The following CMTR1 variants were observed in gnomAD, a reference collection of about 807,000 sequenced individuals.
The protein encoded by CMTR1 is cap methyltransferase 1.
CMTR1 carries 39 observed loss-of-function variants against 107.0 expected under a neutral mutation model. The ratio of observed to expected loss-of-function variants is 0.36; its 90% CI spans 0.28 to 0.48. The LOEUF (loss-of-function observed/expected upper bound fraction) is 0.48, where lower values mean the gene tolerates loss of function less well. CMTR1 is among the 20% of genes least tolerant of loss of function. The probability of loss-of-function intolerance (pLI) is 0.99; values close to 1 mark genes in which losing one functional copy is unlikely to be tolerated. For synonymous variants in CMTR1, 366 were observed against 379.5 expected (o/e 0.96, Z 0.41); for missense variants, 672 against 1,064.9 (o/e 0.63, Z 5.14).
chr6:37,454,533 G>A (rs1562121296), intron 8 of CMTR1, among the ~76,000 whole-genome samples: 1 of 152,210 alleles, frequency 6.6e-6, no homozygotes, highest in Admixed American at 6.5e-5. Flanking sequence ...CAAGCTGATG[G>A]GAAGTCACAG....
upstream of CMTR1, among the ~76,000 whole-genome samples, chr6:37,428,366 C>T (rs546673622): frequency 6.6e-6 from 1 of 152,274 alleles, no homozygotes; most frequent in East Asian, 1.9e-4. Context: ...TTTGCAGAGC[C>T]TTTTGTGATA....
intron 9 of CMTR1, 102 bp from the exon 10 acceptor site, chr6:37,459,464 T>G: frequency 5.4e-6 from 5 of 931,486 alleles, no homozygotes; most frequent in Non-Finnish European, 8.9e-6. Flanking sequence ...CCCTAGTTCT[T>G]GAGACACCTG....
In CMTR1 at chr6:37,480,910, A is replaced by C; in HGVS notation, c.*765A>C. The C allele has an allele frequency of 8.2e-7, 1 of 1,214,456 alleles. No homozygotes were observed. 75.2% of individuals were successfully genotyped at this position (1,214,456 alleles called of 1,614,324 possible). On this transcript the variant is annotated 3_prime_UTR_variant, in exon 24 of 24. Transcript: ENST00000373451. ...TGGTCCAAACATTGGGCAGCGCTAG[A>C]TGGCAGGAAGCAGCCTTGAAGACCC...
Position 37,444,087 on chromosome 6 carries a change from CT to C in CMTR1, c.223del (p.Ser75LeufsTer56). On this transcript the variant is annotated frameshift_variant, in exon 3 of 24. Coordinates refer to ENST00000373451, the MANE Select transcript of CMTR1 (RefSeq NM_015050.3). LOFTEE classifies it high-confidence loss of function. ...CTTTTGACGATGCATTCAAAGCAGA[CT>C]CTCTTGTGGAAGGAACTTCTTCTCG... ...DSFDDAFKAD[S>X]LVEGTSSRYS... 6.2e-7 allele frequency: 1 copy of C among 1,614,164 alleles called. No individual in the cohort carries two copies. The highest frequency in any genetic ancestry group is 8.5e-7 in the Non-Finnish European group (1 of 1,180,020).
chr6:37,480,355 C>T lies in CMTR1; in HGVS notation c.*210C>T, dbSNP rs1181031264. 1 of 1,360,974 alleles carries T rather than the reference C, an allele frequency of 7.3e-7. No individual in the cohort carries two copies. Among genetic ancestry groups the T allele is most frequent in the African/African-American group, 1.5e-5 (1 of 65,236 alleles). The allele number at this position is 1,360,974 out of a possible 1,614,324, so 84.3% of individuals were successfully genotyped here. A position where few individuals can be genotyped will look rare whatever the true frequency, so the allele number is the denominator to read the frequency against. On this transcript the variant is annotated 3_prime_UTR_variant, in exon 24 of 24. Transcript: ENST00000373451. ...CTCATGTTCCTTCTGGGACACCTGC[C>T]TGGGAACTTTCCCCTGCCAGGACTC... is the stretch of plus-strand genomic sequence containing the variant.
chr6:37,461,654 T>TC lies in CMTR1; in HGVS notation c.1192+11dup, dbSNP rs759206038. 3.2e-6 allele frequency: 5 copies of TC among 1,558,908 alleles called. No individual in the cohort carries two copies. The highest frequency in any genetic ancestry group is 4.4e-6 in the Non-Finnish European group (5 of 1,137,358). On this transcript the variant is annotated intron_variant, in intron 11 of 23. Coordinates refer to ENST00000373451, the MANE Select transcript of CMTR1 (RefSeq NM_015050.3). ...GTCCATTGTCCGGACAGGTGACACT[T>TC]CCTCAGCTGTCTCCTCACCCCAGGA... is the stretch of plus-strand genomic sequence containing the variant.
intron 18 of CMTR1, 94 bp downstream of exon 18, chr6:37,474,740 T>C (rs898949609): frequency 9.7e-6 from 15 of 1,551,086 alleles, no homozygotes; most frequent in Middle Eastern, 2.3e-4. Context: ...CTTGGTTACA[T>C]TGTGTGGTGG....
chr6:37,448,468 G>A (rs1020314705), intron 4 of CMTR1, among the ~76,000 whole-genome samples: 1 of 152,068 alleles, frequency 6.6e-6, no homozygotes, highest in African/African-American at 2.4e-5. Context: ...TGAGCTTCTT[G>A]TTCTCTAGAG....
At chr6:37,473,385 T>C in intron 16 of CMTR1, 85 bp from the exon 17 acceptor site, 5 of 1,476,130 alleles carry the variant, frequency 3.4e-6, no homozygotes, top group Admixed American at 2.0e-5. Flanking sequence ...TCCCTTGCCT[T>C]GTCGAGCCTG....
intron 2 of CMTR1, 24 bp downstream of exon 2, chr6:37,435,786 G>A (rs749239414): frequency 6.4e-7 from 1 of 1,558,008 alleles, no homozygotes; most frequent in East Asian, 2.4e-5. Context: ...TGTGGTCTGA[G>A]GCCACTGGCC....
At chr6:37,443,972 CT>C in intron 2 of CMTR1, 26 bp from the exon 3 acceptor site, 2 of 1,610,724 alleles carry the variant, frequency 1.2e-6, no homozygotes, top group Non-Finnish European at 1.7e-6. Flanking sequence ...ATAAACCTAC[CT>C]AAACATTTTC....
chr6:37,471,145 C>T, intron 14 of CMTR1, 68 bp downstream of exon 14: 1 of 1,410,092 alleles, frequency 7.1e-7, no homozygotes, highest in Non-Finnish European at 9.7e-7. Context: ...TCCCCACAAG[C>T]TGTTTGTTTT....
chr6:37,475,565 G>A (rs1761720879), intron 19 of CMTR1, 153 bp downstream of exon 19: 1 of 665,258 alleles, frequency 1.5e-6, no homozygotes, highest in Non-Finnish European at 2.6e-6. Context: ...TGGTCCCAAA[G>A]TCAGGGTGAG....
intron 5 of CMTR1, among the ~76,000 whole-genome samples, chr6:37,450,955 AG>A (rs1287408632): frequency 6.6e-6 from 1 of 152,222 alleles, no homozygotes; most frequent in Non-Finnish European, 1.5e-5. Flanking sequence ...ATATTACAAC[AG>A]ATTGAATGAA....
At position 37,461,846 on chromosome 6, in the gene CMTR1, C is replaced by T. The variant is rs935643789; in HGVS notation, c.1193-124C>T. On this transcript the variant is annotated intron_variant, in intron 11 of 23. Transcript: ENST00000373451. ...AAGATGGTTCTCCCCCTTAAATTGTCTCTGAGTTTTAACAGACCCAGGTGC... is the reference window on the plus strand; with the variant it reads ...AAGATGGTTCTCCCCCTTAAATTGTTTCTGAGTTTTAACAGACCCAGGTGC... 1.4e-5 allele frequency: 16 copies of T among 1,120,756 alleles called. No individual in the cohort carries two copies. In the East Asian group the frequency reaches 3.8e-4, roughly 26 times the overall value. The allele number at this position is 1,120,756 out of a possible 1,614,324, so 69.4% of individuals were successfully genotyped here. A position where few individuals can be genotyped will look rare whatever the true frequency, so the allele number is the denominator to read the frequency against.
chr6:37,470,250 C>G (rs28693574), intron 13 of CMTR1, among the ~76,000 whole-genome samples: 1 of 151,706 alleles, frequency 6.6e-6, no homozygotes, highest in Admixed American at 6.6e-5. Flanking sequence ...GGGTTCACGC[C>G]ATTCTCCTGC....
At chr6:37,456,427 G>A (rs1581739485) in intron 8 of CMTR1, among the ~76,000 whole-genome samples, 1 of 152,198 alleles carries the variant, frequency 6.6e-6, no homozygotes, top group Non-Finnish European at 1.5e-5. Context: ...GTCACGGGAT[G>A]ATGACATTTA....
intron 2 of CMTR1, among the ~76,000 whole-genome samples, chr6:37,441,846 G>A (rs2113865525): frequency 6.6e-6 from 1 of 152,228 alleles, no homozygotes; most frequent in South Asian, 2.1e-4. Flanking sequence ...TTTCTGAGTG[G>A]CACTCTCTGG....
At chr6:37,470,918 C>A in intron 13 of CMTR1, 103 bp from the exon 14 acceptor site, 1 of 899,082 alleles carries the variant, frequency 1.1e-6, no homozygotes. Context: ...AGCTCCTTCA[C>A]CAAATATAGA....
Sources: allele counts gnomAD v4.1 joint callset (sites outside exome capture counted in the v4.1 genomes callset), GRCh38; gene constraint gnomAD v4.1.1; transcripts MANE v1.5; gene names NCBI Gene and HGNC (gene_info 2026-07-23, HGNC 2026-07-21).